ATAD1: variants seen among roughly 807,000 people sequenced by gnomAD.
The protein encoded by ATAD1 is ATPase family AAA domain containing 1, also known as outer mitochondrial transmembrane helix translocase.
A neutral mutation model predicts 42.7 loss-of-function variants in ATAD1; 18 were observed. That is an observed-to-expected ratio of 0.42 (90% CI 0.29 to 0.63). The LOEUF (loss-of-function observed/expected upper bound fraction) is 0.63. Among genes scored for constraint, ATAD1 ranks in the 20% least tolerant of loss-of-function variants. The probability of loss-of-function intolerance (pLI) is 0.19; values close to 1 mark genes in which losing one functional copy is unlikely to be tolerated. For missense variants in ATAD1, 294 were observed against 440.4 expected (o/e 0.67, Z 2.98); for synonymous variants, 132 against 143.1 (o/e 0.92, Z 0.55).
In ATAD1 at chr10:87,754,689, A is replaced by C. The variant is rs751096191; in HGVS notation, c.1084T>G (p.Ter362GluextTer2). 1 of 1,612,528 alleles carries C rather than the reference A, an allele frequency of 6.2e-7. No individual in the cohort carries two copies. The highest frequency in any genetic ancestry group is 8.5e-7 in the Non-Finnish European group (1 of 1,179,488). The change falls in exon 10 of 10, where the codon TAA (stop) becomes GAA (glutamate). Residue 362 changes from the stop codon to glutamate (E), a stop_lost. Coordinates refer to ENST00000680024, the MANE Select transcript of ATAD1 (RefSeq NM_001321967.2). The part of the protein sequence containing the change: ...QNVLTHVCLD[*>E] ...AACTGTACAAATGATCTTTACTCTT[A>C]ATCTAAACAAACATGTGTTAAAACA...
intron 2 of ATAD1, among the ~76,000 whole-genome samples, chr10:87,799,478 TA>T (rs1292872570): frequency 6.6e-6 from 1 of 152,192 alleles, no homozygotes; most frequent in Non-Finnish European, 1.5e-5. Context: ...AAAGCTAAAC[TA>T]TAAACCAAGT....
At chr10:87,762,351 T>A (rs1294109437) in intron 8 of ATAD1, among the ~76,000 whole-genome samples, 1 of 152,232 alleles carries the variant, frequency 6.6e-6, no homozygotes, top group African/African-American at 2.4e-5. Flanking sequence ...ATGGCCATCC[T>A]AATTCAAAGG....
rs576272403 is a variant in ATAD1, at chr10:87,813,807, T to A, written c.162+631A>T. 1.5e-3 allele frequency among the ~76,000 whole-genome samples: 221 copies of A among 152,014 alleles called. 1 individual carries two copies. The highest frequency in any genetic ancestry group is 2.4e-3 in the Non-Finnish European group (166 of 67,898). ...TTCAATAAGACATAAATATTTTAGT[T>A]ATTAATTATTGTTTAAAAAAAAAGA... On this transcript the variant is annotated intron_variant, in intron 2 of 9. Transcript: ENST00000680024.
chr10:87,818,040 G>A (rs1261405644), intron 1 of ATAD1, 127 bp downstream of exon 1: 1 of 985,772 alleles, frequency 1.0e-6, no homozygotes, highest in Non-Finnish European at 1.2e-6. Context: ...GCGGCACTGA[G>A]GTAGGGCGTG....
chr10:87,762,301 G>GT (rs1854516220), intron 8 of ATAD1, among the ~76,000 whole-genome samples: 2 of 152,150 alleles, frequency 1.3e-5, no homozygotes, highest in Admixed American at 1.3e-4. Context: ...CTCCAAAATT[G>GT]TAACTACCTT....
At chr10:87,758,496 T>C (rs185534091) in intron 8 of ATAD1, among the ~76,000 whole-genome samples, 360 of 152,018 alleles carry the variant, frequency 2.4e-3, no homozygotes, top group Non-Finnish European at 3.5e-3. Flanking sequence ...TAAATGCAAA[T>C]AGACTAAACT....
chr10:87,823,732 C>G (rs1357068032), intron 1 of ATAD1, among the ~76,000 whole-genome samples: 1 of 152,164 alleles, frequency 6.6e-6, no homozygotes, highest in Non-Finnish European at 1.5e-5. Context: ...GGCTTCCCAT[C>G]CTTTATAACC....
Position 87,762,410 on chromosome 10 carries a change from G to A in ATAD1, c.831+5263C>T, listed in dbSNP as rs529099980. Among the ~76,000 whole-genome samples the A allele has an allele frequency of 1.1e-4, 17 of 151,316 alleles. No homozygotes were observed. In the South Asian group the frequency reaches 3.6e-3, roughly 32 times the overall value. On this transcript the variant is annotated intron_variant, in intron 8 of 9. Coordinates refer to ENST00000680024, the MANE Select transcript of ATAD1 (RefSeq NM_001321967.2). ...TTTCTTCTCTAAACTTTTCACTGGTGTCTATCACTGTTAAAGGTTTACCAA... is the reference window on the plus strand; with the variant it reads ...TTTCTTCTCTAAACTTTTCACTGGTATCTATCACTGTTAAAGGTTTACCAA...
intron 2 of ATAD1, among the ~76,000 whole-genome samples, chr10:87,810,265 A>G (rs1857120443): frequency 6.6e-6 from 1 of 151,836 alleles, no homozygotes; most frequent in African/African-American, 2.4e-5. Context: ...ATACGCTACC[A>G]ATATTATGAA....
chr10:87,790,954 TGA>T (rs1856066406), intron 3 of ATAD1, among the ~76,000 whole-genome samples: 1 of 143,014 alleles, frequency 7.0e-6, no homozygotes, highest in East Asian at 2.1e-4. Flanking sequence ...GAGGCCAAGG[TGA>T]GCGGATCACT....
chr10:87,762,659 G>T (rs1419825887), intron 8 of ATAD1, among the ~76,000 whole-genome samples: 1 of 151,212 alleles, frequency 6.6e-6, no homozygotes, highest in Non-Finnish European at 1.5e-5. Context: ...GTAGAGACAG[G>T]GTTTCACCAT....
intron 1 of ATAD1, among the ~76,000 whole-genome samples, chr10:87,824,186 G>A (rs1043043926): frequency 6.6e-6 from 1 of 152,008 alleles, no homozygotes. Flanking sequence ...GGATGCCTAG[G>A]ACATAGGAGA....
intron 5 of ATAD1, among the ~76,000 whole-genome samples, chr10:87,778,513 A>C (rs1046248426): frequency 2.0e-5 from 3 of 152,184 alleles, no homozygotes; most frequent in African/African-American, 7.2e-5. Flanking sequence ...TCTATGTTTG[A>C]TATATACCTT....
chr10:87,760,042 T>C (rs2131765348), intron 8 of ATAD1, among the ~76,000 whole-genome samples: 1 of 152,312 alleles, frequency 6.6e-6, no homozygotes, highest in South Asian at 2.1e-4. Flanking sequence ...CTAAAATAGC[T>C]TGAAAGAATG....
chr10:87,821,052 T>C (rs1857622202), upstream of ATAD1, among the ~76,000 whole-genome samples: 1 of 152,218 alleles, frequency 6.6e-6, no homozygotes, highest in Non-Finnish European at 1.5e-5. Context: ...TACTTTATTC[T>C]AGAAAGTTTT....
At chr10:87,833,208 C>T (rs145963985) in intron 1 of ATAD1, 2 of 152,216 alleles carry the variant, frequency 1.3e-5, no homozygotes, top group South Asian at 2.1e-4. Flanking sequence ...TTGTTAAATT[C>T]GTACCTTAGT....
chr10:87,822,955 AAAAG>A (rs1857658291), upstream of ATAD1, among the ~76,000 whole-genome samples: 3 of 152,056 alleles, frequency 2.0e-5, no homozygotes, highest in South Asian at 6.2e-4. Flanking sequence ...AAAATGAAAA[AAAAG>A]CTAAACTAAA....
At chr10:87,784,204 CAT>C (rs1187352008) in intron 5 of ATAD1, among the ~76,000 whole-genome samples, 1 of 152,070 alleles carries the variant, frequency 6.6e-6, no homozygotes, top group Non-Finnish European at 1.5e-5. Flanking sequence ...CCCGGGCAAA[CAT>C]ATATACATGA....
chr10:87,768,260 C>A (rs770586442), intron 7 of ATAD1, among the ~76,000 whole-genome samples: 48 of 152,146 alleles, frequency 3.2e-4, no homozygotes, highest in Non-Finnish European at 6.0e-4. Flanking sequence ...TTACACCATA[C>A]AATAAATACA....
Sources: allele counts gnomAD v4.1 joint callset (sites outside exome capture counted in the v4.1 genomes callset), GRCh38; gene constraint gnomAD v4.1.1; transcripts MANE v1.5; gene names NCBI Gene and HGNC (gene_info 2026-07-23, HGNC 2026-07-21).